Variants in NAALADL2 observed in about 807,000 individuals in gnomAD.
The protein encoded by NAALADL2 is inactive N-acetylated-alpha-linked acidic dipeptidase-like protein 2.
A neutral mutation model predicts 87.2 loss-of-function variants in NAALADL2; 76 were observed. The ratio of observed to expected loss-of-function variants is 0.87; its 90% confidence interval spans 0.72 to 1.05. The LOEUF is 1.05. NAALADL2 is among the 50% of genes least tolerant of loss of function. The probability of loss-of-function intolerance (pLI) is 0.00; values close to 1 mark genes in which losing one functional copy is unlikely to be tolerated. For synonymous variants in NAALADL2, 354 were observed against 331.0 expected (o/e 1.07, Z -0.75); for missense variants, 1,089 against 945.8 (o/e 1.15, Z -1.99).
intron 9 of NAALADL2, among the ~76,000 whole-genome samples, chr3:175,511,931 T>C (rs1731213242): frequency 6.6e-6 from 1 of 152,164 alleles, no homozygotes; most frequent in Non-Finnish European, 1.5e-5. Flanking sequence ...TAGTCCTGTC[T>C]ACTAATTGGC....
intron 3 of NAALADL2, among the ~76,000 whole-genome samples, chr3:174,797,010 G>T (rs13317674): frequency 6.6e-6 from 1 of 151,674 alleles, no homozygotes; most frequent in East Asian, 1.9e-4. Flanking sequence ...CTTTTGAAGT[G>T]TTAGTCATAA....
rs568101414 is a variant in NAALADL2 at position 174,585,582 on chromosome 3, C to A, written c.-115+34945C>A. ...AAATATCAGAATTTCTACCCTGGATCTGTGCTAGTAGTTCTCAGTCATAAG... is the reference window on the plus strand; with the variant it reads ...AAATATCAGAATTTCTACCCTGGATATGTGCTAGTAGTTCTCAGTCATAAG... On this transcript the variant is annotated intron_variant, in intron 2 of 3. Transcript: ENST00000434257. Among the ~76,000 whole-genome samples, 60 of 152,078 alleles carry A rather than the reference C, an allele frequency of 3.9e-4. 1 individual carries two copies. Among genetic ancestry groups the A allele is most frequent in the Non-Finnish European group, 6.6e-4 (45 of 68,022 alleles).
chr3:174,930,913 C>T (rs186101362), intron 1 of NAALADL2, among the ~76,000 whole-genome samples: 5 of 152,014 alleles, frequency 3.3e-5, no homozygotes, highest in Admixed American at 1.3e-4. Context: ...TGAGCCACCA[C>T]GCCCGGCCAA....
intron 1 of NAALADL2, among the ~76,000 whole-genome samples, chr3:174,899,849 C>G (rs760508883): frequency 9.9e-5 from 15 of 151,500 alleles, no homozygotes; most frequent in Middle Eastern, 3.4e-3. Context: ...AATTTACAAC[C>G]ATTTCTACAT....
chr3:175,539,608 A>AGT lies in NAALADL2; in HGVS notation c.1654-36432_1654-36431dup, dbSNP rs559969736. Among the ~76,000 whole-genome samples, 248 of 53,476 alleles carry AGT rather than the reference A, an allele frequency of 4.6e-3. 2 individuals carry two copies. Among genetic ancestry groups the AGT allele is most frequent in the African/African-American group, 0.02 (237 of 11,872 alleles). The allele number at this position is 53,476 out of a possible 152,430, so 35.1% of individuals were successfully genotyped here. A position where few individuals can be genotyped will look rare whatever the true frequency, so the allele number is the denominator to read the frequency against. On this transcript the variant is annotated intron_variant, in intron 9 of 13. Transcript: ENST00000454872. ...ATTTTGTCACCCAGGTACTAAGCAT[A>AGT]GTACCACAGTTGTTGTCGTTGTTCT...
intron 1 of NAALADL2, among the ~76,000 whole-genome samples, chr3:174,542,385 G>A (rs540400651): frequency 6.6e-6 from 1 of 152,252 alleles, no homozygotes; most frequent in East Asian, 1.9e-4. Flanking sequence ...AGTGTTGGAA[G>A]AGCAAACATC....
chr3:174,805,141 A>G (rs1209105666), intron 3 of NAALADL2, among the ~76,000 whole-genome samples: 1 of 152,130 alleles, frequency 6.6e-6, no homozygotes, highest in African/African-American at 2.4e-5. Flanking sequence ...TCTACTAGTA[A>G]TTACTCTGGG....
In NAALADL2 at chr3:174,687,836, A is replaced by C. The variant is rs138378722; in HGVS notation, c.-114-49805A>C. On this transcript the variant is annotated intron_variant, in intron 2 of 3. Coordinates refer to the NAALADL2 transcript ENST00000434257. ...CCATACTGTTCTCATGGTAGTAAGT[A>C]AGTCTCATGATATCTGATGGTTTTA... Among the ~76,000 whole-genome samples the C allele has an allele frequency of 3.1e-3, 469 of 152,190 alleles. 2 individuals carry two copies. The highest frequency in any genetic ancestry group is 0.011 in the African/African-American group (450 of 41,514).
intron 1 of NAALADL2, among the ~76,000 whole-genome samples, chr3:174,942,184 A>G (rs553731654): frequency 3.9e-5 from 6 of 152,042 alleles, no homozygotes; most frequent in Non-Finnish European, 8.8e-5. Flanking sequence ...CTTCCTTTCT[A>G]TATTTACTGC....
intron 2 of NAALADL2, among the ~76,000 whole-genome samples, chr3:175,200,599 G>C (rs1187335458): frequency 6.6e-6 from 1 of 152,014 alleles, no homozygotes; most frequent in Non-Finnish European, 1.5e-5. Flanking sequence ...CAGTAATGGG[G>C]GCCAGAATGC....
chr3:175,677,221 A>G (rs6807651), intron 11 of NAALADL2, among the ~76,000 whole-genome samples: 33,276 of 151,612 alleles, frequency 0.22, 7,105 homozygotes, highest in African/African-American at 0.56. Flanking sequence ...AAATTAGCTG[A>G]GCGTGGTGGT....
intron 2 of NAALADL2, among the ~76,000 whole-genome samples, chr3:175,174,727 C>T (rs915415129): frequency 1.3e-5 from 2 of 151,602 alleles, no homozygotes; most frequent in African/African-American, 4.8e-5. Context: ...GTTTGAAAAC[C>T]ATGATATAAC....
Position 175,539,453 on chromosome 3 carries a change from A to C in NAALADL2, c.1654-36588A>C, listed in dbSNP as rs543491667. On this transcript the variant is annotated intron_variant, in intron 9 of 13. Coordinates refer to ENST00000454872, the MANE Select transcript of NAALADL2 (RefSeq NM_207015.3). ...ACTGGTATTGTACAACATTGTGTAA[A>C]CAAATATAAGTAAATAATTATAGTT... 3.3e-5 allele frequency among the ~76,000 whole-genome samples: 5 copies of C among 152,286 alleles called. No individual in the cohort carries two copies. The South Asian group carries it at 1.0e-3, about 32-fold the overall frequency.
At chr3:174,861,847 T>A (rs1375761895) in intron 1 of NAALADL2, among the ~76,000 whole-genome samples, 1 of 152,064 alleles carries the variant, frequency 6.6e-6, no homozygotes, top group Non-Finnish European at 1.5e-5. Context: ...CCCTGGTTAG[T>A]GGAGCCCATA....
chr3:174,921,194 T>A (rs1326412069), intron 1 of NAALADL2, among the ~76,000 whole-genome samples: 1 of 152,194 alleles, frequency 6.6e-6, no homozygotes, highest in Non-Finnish European at 1.5e-5. Flanking sequence ...CTACAAAACT[T>A]CAATTTCTAA....
chr3:174,851,504 T>A (rs999134523), intron 3 of NAALADL2, among the ~76,000 whole-genome samples: 2 of 151,976 alleles, frequency 1.3e-5, no homozygotes, highest in Non-Finnish European at 2.9e-5. Context: ...TGCCAATAAA[T>A]TGGAAAACCT....
chr3:175,445,847 G>A (rs1197680053), intron 5 of NAALADL2, among the ~76,000 whole-genome samples: 2 of 152,004 alleles, frequency 1.3e-5, no homozygotes, highest in Admixed American at 1.3e-4. Context: ...CTCTCAATAT[G>A]TTAGCACACA....
intron 2 of NAALADL2, among the ~76,000 whole-genome samples, chr3:174,732,862 C>T (rs1453919365): frequency 3.3e-5 from 5 of 152,084 alleles, no homozygotes; most frequent in Non-Finnish European, 7.4e-5. Context: ...TTGGACATAG[C>T]ATGTGTTCCA....
In NAALADL2 at chr3:175,803,022, T is replaced by A. The variant is rs766537926; in HGVS notation, c.2207T>A (p.Leu736His). Residue 736 changes from leucine to histidine, a missense_variant, in exon 14 of 14, where the codon CTT (leucine) becomes CAT (histidine). By Grantham distance (99) the Leu-to-His change is moderately conservative. Transcript: ENST00000454872. The part of the protein sequence containing the change: ...PGFYRNILYH[L>H]DEKTSRFSIL... ...CTTTTCAGAAACATCCTCTACCACC[T>A]TGATGAAAAGACAAGCCGGTTTTCA... 1.9e-6 allele frequency: 3 copies of A among 1,611,450 alleles called. No homozygotes were observed. Among genetic ancestry groups the A allele is most frequent in the Non-Finnish European group, 1.7e-6 (2 of 1,178,222 alleles).
Sources: allele counts gnomAD v4.1 joint callset (sites outside exome capture counted in the v4.1 genomes callset), GRCh38; gene constraint gnomAD v4.1.1; transcripts MANE v1.5; gene names NCBI Gene and HGNC (gene_info 2026-07-23, HGNC 2026-07-21).